SASH1: variants seen among roughly 807,000 people sequenced by gnomAD.
SASH1 encodes the protein SAM and SH3 domain-containing protein 1.
In SASH1, 44 loss-of-function variants were observed where a neutral mutation model predicts 125.2. That is an observed-to-expected ratio of 0.35 (90% CI 0.28 to 0.45). The LOEUF (loss-of-function observed/expected upper bound fraction) is 0.45. Ranked by LOEUF, SASH1 falls within the 20% of genes least tolerant of loss-of-function variation. The probability of loss-of-function intolerance (pLI) is 1.00; values close to 1 mark genes in which losing one functional copy is unlikely to be tolerated. For synonymous variants in SASH1, 639 were observed against 649.1 expected (o/e 0.98, Z 0.24); for missense variants, 1,426 against 1,614.5 (o/e 0.88, Z 2.00).
intron 6 of SASH1, 63 bp downstream of exon 6, chr6:148,471,566 C>T (rs1194819598): frequency 1.3e-5 from 13 of 978,590 alleles, no homozygotes; most frequent in Non-Finnish European, 1.5e-5. Flanking sequence ...GAATCCTATG[C>T]GGCTAATCTC....
chr6:148,409,264 A>T (rs1451108036), intron 2 of SASH1, among the ~76,000 whole-genome samples: 2 of 152,190 alleles, frequency 1.3e-5, no homozygotes, highest in Non-Finnish European at 2.9e-5. Context: ...CCTCACGGTG[A>T]CTTGTATTTT....
At chr6:148,448,639 C>T (rs1022083074) in intron 4 of SASH1, among the ~76,000 whole-genome samples, 27 of 152,148 alleles carry the variant, frequency 1.8e-4, no homozygotes, top group Non-Finnish European at 1.8e-4. Flanking sequence ...TTTACCCAGC[C>T]TGTGAGCTCT....
At chr6:148,233,163 G>A in the SASH1 span, among the ~76,000 whole-genome samples, 3 of 150,414 alleles carry the variant, frequency 2.0e-5, no homozygotes, top group Admixed American at 6.7e-5. Flanking sequence ...GCAGTGAGCC[G>A]AGATCGCGCC....
intron 7 of SASH1, among the ~76,000 whole-genome samples, chr6:148,484,554 G>C (rs1485789654): frequency 6.9e-6 from 1 of 144,978 alleles, no homozygotes; most frequent in Non-Finnish European, 1.5e-5. Flanking sequence ...AATTACATGG[G>C]TTTTTTTTTT....
chr6:148,537,729 A>G (rs1781934558), intron 16 of SASH1, among the ~76,000 whole-genome samples: 1 of 150,724 alleles, frequency 6.6e-6, no homozygotes, highest in Non-Finnish European at 1.5e-5. Context: ...GCCTTTGGGT[A>G]CCACTACCTT....
At chr6:148,522,703 C>T (rs547458259) in intron 10 of SASH1, among the ~76,000 whole-genome samples, 22 of 152,316 alleles carry the variant, frequency 1.4e-4, no homozygotes, top group Non-Finnish European at 2.6e-4. Flanking sequence ...TCCCAAGCAT[C>T]TATCTAAAGT....
At chr6:148,475,482 G>A (rs539338443) in intron 7 of SASH1, among the ~76,000 whole-genome samples, 1 of 152,182 alleles carries the variant, frequency 6.6e-6, no homozygotes, top group Non-Finnish European at 1.5e-5. Flanking sequence ...AAGGAGGAAT[G>A]CCAAGAAGCT....
chr6:148,475,461 T>C (rs1276052610), intron 7 of SASH1, among the ~76,000 whole-genome samples: 1 of 152,178 alleles, frequency 6.6e-6, no homozygotes, highest in Non-Finnish European at 1.5e-5. Flanking sequence ...GGCTAGATGC[T>C]TATAAGCCAG....
chr6:148,482,893 T>G (rs1449379726), intron 7 of SASH1, among the ~76,000 whole-genome samples: 1 of 151,982 alleles, frequency 6.6e-6, no homozygotes, highest in East Asian at 1.9e-4. Flanking sequence ...TTCACCATGT[T>G]GGCCAGGCTG....
chr6:148,408,397 C>T (rs1023143106), intron 2 of SASH1, among the ~76,000 whole-genome samples: 5 of 152,100 alleles, frequency 3.3e-5, no homozygotes, highest in Non-Finnish European at 1.5e-5. Flanking sequence ...TGAGCCACCA[C>T]GCCCAGCGCA....
At chr6:148,246,185 G>C in the SASH1 span, among the ~76,000 whole-genome samples, 1 of 151,976 alleles carries the variant, frequency 6.6e-6, no homozygotes, top group African/African-American at 2.4e-5. Context: ...ATATTCTTGA[G>C]AGTTGACAGA....
intron 2 of SASH1, among the ~76,000 whole-genome samples, chr6:148,396,739 A>G (rs1306171263): frequency 6.6e-6 from 1 of 152,110 alleles, no homozygotes; most frequent in Admixed American, 6.5e-5. Flanking sequence ...AAGAAACATT[A>G]ATGGAAAGAG....
chr6:148,466,746 G>A (rs952222574), intron 4 of SASH1, among the ~76,000 whole-genome samples: 4 of 149,488 alleles, frequency 2.7e-5, no homozygotes, highest in Non-Finnish European at 5.9e-5. Flanking sequence ...CTTTTTAGAA[G>A]TTTTTTTTTT....
chr6:148,522,557 G>A (rs551054290), intron 10 of SASH1, among the ~76,000 whole-genome samples: 81 of 152,196 alleles, frequency 5.3e-4, no homozygotes, highest in African/African-American at 1.9e-3. Flanking sequence ...CACTTGTCTC[G>A]TATTTTATTT....
the SASH1 span, among the ~76,000 whole-genome samples, chr6:148,207,507 T>A: frequency 3.7e-4 from 56 of 152,236 alleles, 2 homozygotes; most frequent in South Asian, 0.011. Context: ...AGCTTATTAG[T>A]GAAATGATGA....
At position 148,534,859 on chromosome 6, in the gene SASH1, G is replaced by A. The variant is rs1583318377; in HGVS notation, c.2053G>A (p.Ala685Thr). Residue 685 changes from alanine (A) to threonine (T), a missense_variant, in exon 16 of 20, where the codon GCT becomes ACT. Physicochemically the swap from Ala to Thr is moderately conservative, Grantham distance 58. Around this residue, in one of 3 missense-constraint regions of SASH1, gnomAD observed 225 missense variants for 344.5 expected, o/e 0.65. Coordinates refer to ENST00000367467, the MANE Select transcript of SASH1 (RefSeq NM_015278.5). Reference protein sequence around the residue: ...ELNIRDPEHRAVLLTAVELLQ... With the variant: ...ELNIRDPEHRTVLLTAVELLQ... ...AAATATCAGGGACCCGGAACACAGAGCTGTTCTCTTGACAGCAGTGGAGCT... is the reference window on the plus strand; with the variant it reads ...AAATATCAGGGACCCGGAACACAGAACTGTTCTCTTGACAGCAGTGGAGCT... 1.9e-6 allele frequency: 3 copies of A among 1,614,262 alleles called. No homozygotes were observed. In the East Asian group the frequency reaches 6.7e-5, roughly 36 times the overall value.
upstream of SASH1, among the ~76,000 whole-genome samples, chr6:148,271,004 G>T (rs1779049810): frequency 6.6e-6 from 1 of 151,766 alleles, no homozygotes; most frequent in African/African-American, 2.4e-5. Flanking sequence ...CCGCCTCTTG[G>T]GTTCAAGTGA....
Position 148,308,274 on chromosome 6 carries a change from G to GCCCC in SASH1, n.74+35902_74+35905dup, listed in dbSNP as rs10693455. Among the ~76,000 whole-genome samples, 751 of 149,958 alleles carry GCCCC rather than the reference G, an allele frequency of 5.0e-3. 12 individuals are homozygous for GCCCC. The highest frequency in any genetic ancestry group is 0.017 in the African/African-American group (672 of 40,480). ...CCACAGTTAAAAAGATATTAAATCC[G>GCCCC]CCCCCCCCAAAAATGTATAATAATG... On this transcript the variant is annotated intron_variant and non_coding_transcript_variant, in intron 1 of 3. Transcript: ENST00000367469.
chr6:148,310,886 G>A (rs1185208154), intron 1 of SASH1, among the ~76,000 whole-genome samples: 2 of 152,042 alleles, frequency 1.3e-5, no homozygotes, highest in East Asian at 3.9e-4. Flanking sequence ...ATTGCCTATT[G>A]GAATAGAAAA....
Sources: allele counts gnomAD v4.1 joint callset (sites outside exome capture counted in the v4.1 genomes callset), GRCh38; gene constraint gnomAD v4.1.1; regional missense constraint gnomAD v4.1.1; transcripts MANE v1.5; gene names NCBI Gene and HGNC (gene_info 2026-07-23, HGNC 2026-07-21).